Variants in MCTP2 observed in about 807,000 individuals in gnomAD.
MCTP2 encodes multiple C2 and transmembrane domain-containing protein 2.
MCTP2 carries 132 observed loss-of-function variants against 111.6 expected under a neutral mutation model. That is an observed-to-expected ratio of 1.18 (90% CI 1.03 to 1.37). The LOEUF (loss-of-function observed/expected upper bound fraction) is 1.37. Ranked by LOEUF, MCTP2 falls within the 40% of genes most tolerant of loss-of-function variation. MCTP2 has a pLI of 0.00. For synonymous variants in MCTP2, 395 were observed against 387.7 expected (o/e 1.02, Z -0.22); for missense variants, 1,183 against 1,067.9 (o/e 1.11, Z -1.50).
chr15:94,365,334 G>C (rs538203860), intron 10 of MCTP2, among the ~76,000 whole-genome samples: 1 of 152,232 alleles, frequency 6.6e-6, no homozygotes, highest in Admixed American at 6.5e-5. Context: ...ACTACAAATG[G>C]CTATTTTTCA....
chr15:94,437,508 A>G (rs376935254), intron 17 of MCTP2, among the ~76,000 whole-genome samples: 4 of 152,090 alleles, frequency 2.6e-5, no homozygotes, highest in East Asian at 3.8e-4. Flanking sequence ...GAGATACATA[A>G]AAAGTTCTGA....
intron 17 of MCTP2, among the ~76,000 whole-genome samples, chr15:94,409,799 G>A (rs11638258): frequency 0.83 from 124,969 of 151,220 alleles, 51,783 homozygotes; most frequent in East Asian, 0.94. Flanking sequence ...TGAAATGCAG[G>A]AATGAATTTT....
intron 17 of MCTP2, among the ~76,000 whole-genome samples, chr15:94,422,635 T>G (rs79761804): frequency 0.017 from 2,562 of 152,270 alleles, 77 homozygotes; most frequent in African/African-American, 0.058. Context: ...TAGAAATCCA[T>G]TCTCATTTCA....
In MCTP2 at chr15:94,246,869, T is replaced by C. The variant is rs138409994; in HGVS notation, c.-66+15205T>C. Reference sequence around the variant, plus strand: ...TAAAAGATGATGGTTTTAATATTGATAAGTGTTCTTTACCTTTTCATTTGA... The same window carrying C: ...TAAAAGATGATGGTTTTAATATTGACAAGTGTTCTTTACCTTTTCATTTGA... On this transcript the variant is annotated intron_variant, in intron 1 of 22. Coordinates refer to ENST00000357742, the MANE Select transcript of MCTP2 (RefSeq NM_001385001.1). Among the ~76,000 whole-genome samples, 1,510 of 152,318 alleles carry C rather than the reference T, an allele frequency of 9.9e-3. 21 individuals carry two copies. Among genetic ancestry groups the C allele is most frequent in the African/African-American group, 0.034 (1,434 of 41,566 alleles).
chr15:94,411,858 C>A (rs888842236), intron 17 of MCTP2, among the ~76,000 whole-genome samples: 6 of 152,126 alleles, frequency 3.9e-5, no homozygotes, highest in African/African-American at 1.4e-4. Flanking sequence ...CTGGGATTCT[C>A]TTATTACCTA....
chr15:94,358,375 G>A, intron 9 of MCTP2, 107 bp from the exon 10 acceptor site: 1 of 1,024,944 alleles, frequency 9.8e-7, no homozygotes, highest in Non-Finnish European at 1.4e-6. Flanking sequence ...AAGGGGTGAG[G>A]TCCATCATCT....
chr15:94,236,691 C>G (rs185496270), intron 1 of MCTP2, among the ~76,000 whole-genome samples: 1 of 152,206 alleles, frequency 6.6e-6, no homozygotes, highest in African/African-American at 2.4e-5. Flanking sequence ...TTATGTTAGG[C>G]ACCAGAAGAG....
chr15:94,365,123 A>G (rs1028286505), intron 10 of MCTP2, among the ~76,000 whole-genome samples: 1 of 152,192 alleles, frequency 6.6e-6, no homozygotes, highest in Admixed American at 6.5e-5. Context: ...ACCCATGTCC[A>G]GAAAGACTAA....
intron 21 of MCTP2, among the ~76,000 whole-genome samples, chr15:94,474,616 T>G (rs1317073573): frequency 6.6e-6 from 1 of 152,118 alleles, no homozygotes; most frequent in East Asian, 1.9e-4. Context: ...CCCAGCACTT[T>G]GGGAGGCTGA....
At position 94,470,575 on chromosome 15, in the gene MCTP2, G is replaced by T. The variant is rs1037692874; in HGVS notation, c.2470+133G>T. On this transcript the variant is annotated intron_variant, in intron 21 of 22. Coordinates refer to ENST00000357742, the MANE Select transcript of MCTP2 (RefSeq NM_001385001.1). ...ACATGAGATTAAGGAAAGCATTTGG[G>T]GAACAAAAACTTCCAGGACCTCCCT... 6.8e-6 allele frequency: 5 copies of T among 732,198 alleles called. No individual in the cohort carries two copies. The East Asian group carries it at 1.1e-4, about 16-fold the overall frequency. The allele number at this position is 732,198 out of a possible 1,614,324, so 45.4% of individuals were successfully genotyped here.
chr15:94,452,680 C>T (rs1370775311), intron 19 of MCTP2, among the ~76,000 whole-genome samples: 1 of 152,054 alleles, frequency 6.6e-6, no homozygotes, highest in Non-Finnish European at 1.5e-5. Flanking sequence ...TCTGTTGATC[C>T]CCCAGTTCAA....
At chr15:94,461,352 C>T (rs2085194547) in intron 20 of MCTP2, among the ~76,000 whole-genome samples, 1 of 152,046 alleles carries the variant, frequency 6.6e-6, no homozygotes, top group African/African-American at 2.4e-5. Context: ...CCCAGCTACT[C>T]CAGAGGCTGA....
At chr15:94,357,018 T>G (rs1190312914) in intron 9 of MCTP2, among the ~76,000 whole-genome samples, 3 of 152,168 alleles carry the variant, frequency 2.0e-5, no homozygotes, top group Non-Finnish European at 4.4e-5. Flanking sequence ...TCTGGGGTAC[T>G]TGAAACTTAA....
intron 1 of MCTP2, among the ~76,000 whole-genome samples, chr15:94,269,426 A>G (rs1407957990): frequency 2.0e-5 from 3 of 152,226 alleles, no homozygotes; most frequent in African/African-American, 7.2e-5. Flanking sequence ...GATGTTTTAG[A>G]CAGATAATAG....
chr15:94,302,677 A>C (rs2075679515), intron 2 of MCTP2, among the ~76,000 whole-genome samples: 1 of 152,170 alleles, frequency 6.6e-6, no homozygotes, highest in Non-Finnish European at 1.5e-5. Context: ...ACCACCTCAA[A>C]CATAGACCAT....
chr15:94,341,219 C>T (rs932337529), intron 7 of MCTP2: 2 of 335,618 alleles, frequency 6.0e-6, no homozygotes, highest in African/African-American at 4.2e-5. Context: ...ACCAAGTTTT[C>T]CATTGGGAGT....
intron 17 of MCTP2, among the ~76,000 whole-genome samples, chr15:94,425,805 C>A (rs1338151250): frequency 6.6e-6 from 1 of 152,010 alleles, no homozygotes; most frequent in Admixed American, 6.6e-5. Context: ...TATACAACAA[C>A]TTATCAAAGT....
Position 94,438,246 on chromosome 15 carries a change from G to A in MCTP2, c.2086-1930G>A, listed in dbSNP as rs574074574. On this transcript the variant is annotated intron_variant, in intron 17 of 22. Transcript: ENST00000357742. The stretch of plus-strand genomic sequence containing the variant: ...AATGTACTTGATTTACGCATACACC[G>A]TGAAAAGAACTATAAAACATACTAT... Among the ~76,000 whole-genome samples, 6 of 152,134 alleles carry A rather than the reference G, an allele frequency of 3.9e-5. No individual in the cohort carries two copies. In the South Asian group the frequency reaches 6.2e-4, roughly 16 times the overall value.
chr15:94,314,199 G>T, intron 2 of MCTP2, 83 bp from the exon 3 acceptor site: 1 of 943,378 alleles, frequency 1.1e-6, no homozygotes, highest in Admixed American at 2.2e-5. Flanking sequence ...ATTTCCAAAG[G>T]AAAAGACCTG....
Sources: allele counts gnomAD v4.1 joint callset (sites outside exome capture counted in the v4.1 genomes callset), GRCh38; gene constraint gnomAD v4.1.1; transcripts MANE v1.5; gene names NCBI Gene and HGNC (gene_info 2026-07-23, HGNC 2026-07-21).